Variants in TSNARE1 observed in about 807,000 individuals in gnomAD.
TSNARE1 encodes t-SNARE domain containing 1, also known as t-SNARE domain-containing protein 1.
TSNARE1 carries 49 observed loss-of-function variants against 62.0 expected under a neutral mutation model. That is an observed-to-expected ratio of 0.79 (90% CI 0.63 to 1.00). The LOEUF is 1.00. TSNARE1 is among the 50% of genes least tolerant of loss of function. TSNARE1 has a pLI of 0.00. For synonymous variants in TSNARE1, 328 were observed against 294.4 expected, an observed-to-expected ratio of 1.11 and a Z score of -1.17; for missense variants, 755 against 700.1, an observed-to-expected ratio of 1.08 and a Z score of -0.88.
chr8:142,344,072 G>C lies in TSNARE1; in HGVS notation c.639C>G (p.Ser213=). 1.2e-6 allele frequency: 2 copies of C among 1,603,576 alleles called. No individual in the cohort carries two copies. The highest frequency in any genetic ancestry group is 4.5e-5 in the East Asian group (2 of 44,560). The change falls in exon 4 of 14, where the codon TCC becomes TCG. Residue 213 remains serine, a synonymous_variant. Transcript: ENST00000524325. The part of the protein sequence containing the change: ...RKAAHGPSPG[S]GKPQALALTP... Reference sequence around the variant, plus strand: ...TGAGAGCCAGGGCCTGGGGCTTGCCGGAACCAGGGCTGGGGCCATGGGCCG... The same window carrying C: ...TGAGAGCCAGGGCCTGGGGCTTGCCCGAACCAGGGCTGGGGCCATGGGCCG...
At chr8:142,350,118 G>C (rs1563967782) in intron 2 of TSNARE1, among the ~76,000 whole-genome samples, 1 of 122,230 alleles carries the variant, frequency 8.2e-6, no homozygotes, top group Non-Finnish European at 1.7e-5. Context: ...GGGCAGGCAA[G>C]GCTGGGACCA....
chr8:142,349,686 T>C (rs558919523), intron 2 of TSNARE1, among the ~76,000 whole-genome samples: 2 of 152,328 alleles, frequency 1.3e-5, no homozygotes, highest in Admixed American at 6.5e-5. Flanking sequence ...GTGGTTGAGA[T>C]GCTGTGGCTG....
intron 6 of TSNARE1, among the ~76,000 whole-genome samples, chr8:142,328,658 C>T (rs554315446): frequency 7.2e-5 from 11 of 152,296 alleles, no homozygotes; most frequent in East Asian, 3.9e-4. Context: ...ACCAGGGGTG[C>T]GCCAGCCCAC....
intron 10 of TSNARE1, among the ~76,000 whole-genome samples, chr8:142,296,093 T>G (rs1456086858): frequency 3.7e-3 from 2 of 536 alleles, no homozygotes; most frequent in Non-Finnish European, 6.7e-3. Context: ...GGGGAGGGGG[T>G]GGTCACTCAT....
intron 6 of TSNARE1, among the ~76,000 whole-genome samples, chr8:142,323,086 C>T (rs1178330216): frequency 6.6e-6 from 1 of 152,050 alleles, no homozygotes; most frequent in Non-Finnish European, 1.5e-5. Flanking sequence ...GCCGGCCTGG[C>T]TGCATCCGTG....
intron 12 of TSNARE1, chr8:142,270,500 A>G (rs1563794829): frequency 2.2e-6 from 2 of 900,338 alleles, no homozygotes; most frequent in Non-Finnish European, 2.6e-6. Flanking sequence ...ATATATATAT[A>G]TATTTATGTA....
intron 11 of TSNARE1, chr8:142,276,351 G>A (rs980437200): frequency 8.1e-6 from 8 of 985,354 alleles, no homozygotes; most frequent in Non-Finnish European, 9.6e-6. Context: ...GGAAGATGGG[G>A]CCAGAGGTGT....
intron 13 of TSNARE1, among the ~76,000 whole-genome samples, chr8:142,217,379 G>A (rs56673539): frequency 0.071 from 9,737 of 137,772 alleles, 1,223 homozygotes; most frequent in African/African-American, 0.27. Flanking sequence ...AAGAAAAAAG[G>A]GAAAGAAAGA....
intron 1 of TSNARE1, among the ~76,000 whole-genome samples, chr8:142,374,659 G>A (rs910400649): frequency 1.4e-5 from 2 of 147,664 alleles, no homozygotes; most frequent in African/African-American, 5.0e-5. Flanking sequence ...CAGCCTGGGC[G>A]ACAGAGTGAG....
chr8:142,299,634 C>T (rs1025357432), intron 10 of TSNARE1, among the ~76,000 whole-genome samples: 5 of 152,294 alleles, frequency 3.3e-5, no homozygotes, highest in East Asian at 1.9e-4. Flanking sequence ...TGCACACACA[C>T]GCACTCACGC....
At position 142,376,257 on chromosome 8, in the gene TSNARE1, CCT is replaced by C. The variant is rs557842034; in HGVS notation, c.-39-21496_-39-21495del. Among the ~76,000 whole-genome samples the C allele has an allele frequency of 3.6e-3, 544 of 152,270 alleles. 5 individuals carry two copies. The highest frequency in any genetic ancestry group is 0.013 in the African/African-American group (530 of 41,562). ...TGAGACTCCACATGTGTCTTGGTGC[CCT>C]GTTTTCCCCTGAGGGGAACTTGAGA... On this transcript the variant is annotated intron_variant, in intron 1 of 13. Coordinates refer to ENST00000524325, the MANE Select transcript of TSNARE1 (RefSeq NM_145003.5).
intron 12 of TSNARE1, among the ~76,000 whole-genome samples, chr8:142,255,881 T>C (rs1265768348): frequency 2.6e-4 from 3 of 11,536 alleles, no homozygotes; most frequent in Admixed American, 7.4e-4. Context: ...ATCATCACCA[T>C]CACCACCACC....
chr8:142,306,887 C>A (rs1826782372), intron 9 of TSNARE1, among the ~76,000 whole-genome samples: 2 of 152,300 alleles, frequency 1.3e-5, no homozygotes, highest in Non-Finnish European at 2.9e-5. Context: ...TCTATGACTG[C>A]TCACAAAGGA....
intron 11 of TSNARE1, chr8:142,275,332 C>T (rs1238146955): frequency 1.8e-5 from 18 of 985,312 alleles, no homozygotes; most frequent in Non-Finnish European, 1.9e-5. Context: ...GTTTGCCACA[C>T]GCACTGGCCC....
In TSNARE1 at chr8:142,344,103, C is replaced by A. The variant is rs202203762; in HGVS notation, c.608G>T (p.Arg203Leu). 3 of 1,610,658 alleles carry A rather than the reference C, an allele frequency of 1.9e-6. No homozygotes were observed. The highest frequency in any genetic ancestry group is 3.3e-5 in the Admixed American group (2 of 59,862). ...AGGGCTGGGGCCATGGGCCGCCTTC[C>A]GGAGGTCGCCCAGCTTGCGCCGCAC... ...AVVRRKLGDL[R>L]KAAHGPSPGS... The change falls in exon 4 of 14, where the codon CGG becomes CTG. Residue 203 changes from arginine to leucine, a missense_variant. Transcript: ENST00000524325.
intron 10 of TSNARE1, among the ~76,000 whole-genome samples, chr8:142,289,070 C>G (rs1260175340): frequency 1.2e-4 from 19 of 152,244 alleles, no homozygotes; most frequent in Admixed American, 9.2e-4. Context: ...AGACGCCTGG[C>G]ACTCAAACAT....
At chr8:142,306,127 C>T (rs1563875278) in intron 9 of TSNARE1, among the ~76,000 whole-genome samples, 1 of 152,196 alleles carries the variant, frequency 6.6e-6, no homozygotes, top group East Asian at 1.9e-4. Context: ...GCAACAGACT[C>T]TATTTATTCA....
At chr8:142,300,218 A>T (rs896742794) in intron 10 of TSNARE1, 7 of 372,882 alleles carry the variant, frequency 1.9e-5, no homozygotes, top group African/African-American at 1.4e-4. Context: ...CCCAGCATAG[A>T]CCCCAGCTCC....
chr8:142,219,356 G>C (rs574266906), intron 13 of TSNARE1, among the ~76,000 whole-genome samples: 1 of 152,266 alleles, frequency 6.6e-6, no homozygotes, highest in Non-Finnish European at 1.5e-5. Context: ...GAGGAGTGGG[G>C]GCCTTGTTTT....
Sources: gnomAD v4.1 joint callset for allele counts (sites outside exome capture counted in the v4.1 genomes callset) on GRCh38, gnomAD v4.1.1 for gene constraint, MANE v1.5 for transcripts, NCBI Gene and HGNC (gene_info 2026-07-23, HGNC 2026-07-21) for gene names.